Variants in CYP20A1 observed in about 807,000 individuals in gnomAD.
The protein encoded by CYP20A1 is cytochrome P450 20A1.
A neutral mutation model predicts 61.4 loss-of-function variants in CYP20A1; 61 were observed. The ratio of observed to expected loss-of-function variants is 0.99; its 90% CI spans 0.81 to 1.23. The LOEUF is 1.23. Ranked by LOEUF, CYP20A1 falls within the 50% of genes most tolerant of loss-of-function variation. The probability of loss-of-function intolerance (pLI) is 0.00; values close to 1 mark genes in which losing one functional copy is unlikely to be tolerated. For synonymous variants in CYP20A1, 193 were observed against 188.2 expected, an observed-to-expected ratio of 1.03 and a Z score of -0.21; for missense variants, 530 against 542.4, an observed-to-expected ratio of 0.98 and a Z score of 0.23.
Position 203,300,503 on chromosome 2 carries a change from G to A in CYP20A1, c.*3595G>A, listed in dbSNP as rs1344368591. 7.2e-5 allele frequency among the ~76,000 whole-genome samples: 11 copies of A among 152,088 alleles called. No homozygotes were observed. ...AAATGGGTTTTTAATTGATATTGAA[G>A]TAAGTAAGTTTTGTAGCTTTTGGAG... On this transcript the variant is annotated 3_prime_UTR_variant, in exon 13 of 13. Transcript: ENST00000356079.
chr2:203,292,220 T>A, intron 10 of CYP20A1, 42 bp from the exon 11 acceptor site: 3 of 1,361,416 alleles, frequency 2.2e-6, no homozygotes, highest in Non-Finnish European at 2.1e-6. Context: ...AGTCATTTTA[T>A]CTCTGTTAGT....
intron 11 of CYP20A1, among the ~76,000 whole-genome samples, chr2:203,292,989 C>T (rs903359894): frequency 1.3e-5 from 2 of 151,728 alleles, no homozygotes; most frequent in African/African-American, 4.8e-5. Context: ...GCCTGGCTAA[C>T]ATAGCGAAAC....
chr2:203,264,834 A>G (rs2067264089), intron 4 of CYP20A1, among the ~76,000 whole-genome samples: 1 of 152,004 alleles, frequency 6.6e-6, no homozygotes, highest in South Asian at 2.1e-4. Flanking sequence ...GGTTCATGCC[A>G]TTCTCCTGCC....
At chr2:203,289,666 G>T in intron 9 of CYP20A1, 99 bp from the exon 10 acceptor site, 1 of 509,208 alleles carries the variant, frequency 2.0e-6, no homozygotes, top group South Asian at 3.6e-5. Context: ...TTCAAGTTGG[G>T]AATGTTTGAG....
In CYP20A1 at chr2:203,305,073, G is replaced by A. The variant is rs1168831788; in HGVS notation, c.*8165G>A. ...CTTATAGAATTTTATGACACTAAAT[G>A]GATAATTGTAAAGTTTGAGTTGGGA... On this transcript the variant is annotated 3_prime_UTR_variant, in exon 13 of 13. Coordinates refer to ENST00000356079, the MANE Select transcript of CYP20A1 (RefSeq NM_177538.3). Among the ~76,000 whole-genome samples, 2 of 151,958 alleles carry A rather than the reference G, an allele frequency of 1.3e-5. No homozygotes were observed. Among genetic ancestry groups the A allele is most frequent in the East Asian group, 3.9e-4 (2 of 5,192 alleles).
chr2:203,286,926 G>C (rs1161833249), intron 9 of CYP20A1, among the ~76,000 whole-genome samples: 9 of 151,798 alleles, frequency 5.9e-5, no homozygotes, highest in African/African-American at 2.2e-4. Flanking sequence ...CTATAGAAAA[G>C]ATAGAGTGGC....
At chr2:203,274,062 G>C (rs1380919022) in intron 6 of CYP20A1, among the ~76,000 whole-genome samples, 2 of 151,942 alleles carry the variant, frequency 1.3e-5, no homozygotes, top group Non-Finnish European at 2.9e-5. Context: ...AATTTACACA[G>C]AAAAATAGCA....
chr2:203,271,076 ATATATATTTTTT>A (rs2067566927), intron 5 of CYP20A1, among the ~76,000 whole-genome samples: 2 of 56,374 alleles, frequency 3.5e-5, no homozygotes, highest in Non-Finnish European at 7.4e-5. Context: ...ATATATATAT[ATATATATTTTTT>A]TTTTTTTTTT....
At chr2:203,256,301 C>T (rs551998046) in intron 4 of CYP20A1, among the ~76,000 whole-genome samples, 6 of 151,928 alleles carry the variant, frequency 3.9e-5, no homozygotes, top group African/African-American at 1.2e-4. Flanking sequence ...CATAACACCC[C>T]GTGCCTTTCC....
intron 5 of CYP20A1, among the ~76,000 whole-genome samples, chr2:203,269,594 A>G (rs1430271510): frequency 6.6e-6 from 1 of 151,414 alleles, no homozygotes; most frequent in Non-Finnish European, 1.5e-5. Context: ...TCCCAGGTTA[A>G]AGCGATTCTC....
rs1011779005 is a variant in CYP20A1, at chr2:203,303,115, C to T, written c.*6207C>T. On this transcript the variant is annotated 3_prime_UTR_variant, in exon 13 of 13. Coordinates refer to ENST00000356079, the MANE Select transcript of CYP20A1 (RefSeq NM_177538.3). ...TCCCAGGTTCAAGCAATTCTCCTGCCTCAGCCTCCTGAGTAGCTGAGACTA... is the reference window on the plus strand; with the variant it reads ...TCCCAGGTTCAAGCAATTCTCCTGCTTCAGCCTCCTGAGTAGCTGAGACTA... 2.3e-4 allele frequency among the ~76,000 whole-genome samples: 35 copies of T among 152,156 alleles called. No individual in the cohort carries two copies. Among genetic ancestry groups the T allele is most frequent in the African/African-American group, 7.7e-4 (32 of 41,448 alleles).
rs749387868 is a variant in CYP20A1, at chr2:203,296,597, A to C, written c.1238+34A>C. The C allele has an allele frequency of 1.4e-5, 22 of 1,525,280 alleles. No homozygotes were observed. In the Admixed American group the frequency reaches 2.9e-4, roughly 20 times the overall value. The allele number at this position is 1,525,280 out of a possible 1,614,324, so 94.5% of individuals were successfully genotyped here. A position where few individuals can be genotyped will look rare whatever the true frequency, so the allele number is the denominator to read the frequency against. On this transcript the variant is annotated intron_variant, in intron 12 of 12. Transcript: ENST00000356079. ...TAGAATGCCAGACTCTGTTCTTAGA[A>C]TTTTGATGATCACTGTTGATGAGAA...
intron 1 of CYP20A1, among the ~76,000 whole-genome samples, chr2:203,239,345 C>T (rs1019142942): frequency 6.6e-6 from 1 of 151,942 alleles, no homozygotes; most frequent in Non-Finnish European, 1.5e-5. Context: ...TGCGTCGCTA[C>T]CCCTCAGGCG....
At chr2:203,248,055 A>G (rs2066522262) in intron 3 of CYP20A1, among the ~76,000 whole-genome samples, 1 of 151,974 alleles carries the variant, frequency 6.6e-6, no homozygotes, top group Non-Finnish European at 1.5e-5. Flanking sequence ...GTGAGACCCC[A>G]TTGCTACAAA....
At chr2:203,295,052 A>G (rs1039366795) in intron 11 of CYP20A1, among the ~76,000 whole-genome samples, 1 of 129,998 alleles carries the variant, frequency 7.7e-6, no homozygotes, top group African/African-American at 3.0e-5. Context: ...TCCCGGGTTC[A>G]TGCCATTCTC....
chr2:203,255,673 A>T (rs963467998), intron 4 of CYP20A1, among the ~76,000 whole-genome samples: 1 of 152,182 alleles, frequency 6.6e-6, no homozygotes, highest in Admixed American at 6.5e-5. Context: ...TTTTTAATGT[A>T]GTCTTCAGGA....
intron 8 of CYP20A1, 87 bp from the exon 9 acceptor site, chr2:203,285,525 C>T: frequency 7.3e-7 from 1 of 1,376,198 alleles, no homozygotes; most frequent in Non-Finnish European, 9.5e-7. Context: ...ACAAAAATCC[C>T]ACCCTAAATA....
rs2069092997 is a variant in CYP20A1 at position 203,303,233 on chromosome 2, A to G, written c.*6325A>G. On this transcript the variant is annotated 3_prime_UTR_variant, in exon 13 of 13. Coordinates refer to ENST00000356079, the MANE Select transcript of CYP20A1 (RefSeq NM_177538.3). ...TTGGCCAGGCTGGTCTTGAACTCCT[A>G]ACCTCAGGTGATTCACACCCCTTGG... 6.7e-6 allele frequency among the ~76,000 whole-genome samples: 1 copy of G among 149,674 alleles called. No individual in the cohort carries two copies. Among genetic ancestry groups the G allele is most frequent in the East Asian group, 2.0e-4 (1 of 4,972 alleles).
chr2:203,258,158 C>T (rs948180749), intron 4 of CYP20A1, among the ~76,000 whole-genome samples: 8 of 152,200 alleles, frequency 5.3e-5, no homozygotes, highest in Non-Finnish European at 1.0e-4. Flanking sequence ...CTGCCTCGGG[C>T]TCCCGAAGCA....
Sources: allele counts gnomAD v4.1 joint callset (sites outside exome capture counted in the v4.1 genomes callset), GRCh38; gene constraint gnomAD v4.1.1; transcripts MANE v1.5; gene names NCBI Gene and HGNC (gene_info 2026-07-23, HGNC 2026-07-21).